DLC1: variants seen among roughly 807,000 people sequenced by gnomAD.
The protein encoded by DLC1 is DLC1 Rho GTPase activating protein.
A neutral mutation model predicts 140.3 loss-of-function variants in DLC1; 54 were observed. That is an observed-to-expected ratio of 0.38 (90% CI 0.31 to 0.48). The LOEUF is 0.48. Ranked by LOEUF, DLC1 falls within the 20% of genes least tolerant of loss-of-function variation. The pLI is 0.96. For missense variants in DLC1, 2,536 were observed against 1,907.0 expected (o/e 1.33, Z -6.14); for synonymous variants, 986 against 728.1 (o/e 1.35, Z -5.70).
chr8:13,393,413 A>G (rs1374137913), intron 4 of DLC1, 140 bp downstream of exon 4: 1 of 968,852 alleles, frequency 1.0e-6, no homozygotes, highest in Non-Finnish European at 1.4e-6. Flanking sequence ...GGTTGTACTT[A>G]ATTAAATAAA....
At chr8:13,313,160 G>A (rs1361646885) in intron 4 of DLC1, among the ~76,000 whole-genome samples, 2 of 152,120 alleles carry the variant, frequency 1.3e-5, no homozygotes, top group Non-Finnish European at 2.9e-5. Flanking sequence ...ATGCTTTAGT[G>A]ATTCTCTTTC....
chr8:13,542,877 G>A (rs968697999), intron 1 of DLC1, among the ~76,000 whole-genome samples: 3 of 151,978 alleles, frequency 2.0e-5, no homozygotes, highest in African/African-American at 4.8e-5. Flanking sequence ...GATTCCCTAT[G>A]AGTTTTTTAC....
chr8:13,549,247 G>A (rs759498468), intron 1 of DLC1, among the ~76,000 whole-genome samples: 7 of 151,982 alleles, frequency 4.6e-5, no homozygotes, highest in African/African-American at 9.7e-5. Context: ...GAGGTGATAC[G>A]TCCATGAGTA....
chr8:13,103,106 C>T (rs559683222), intron 7 of DLC1, among the ~76,000 whole-genome samples: 140 of 151,542 alleles, frequency 9.2e-4, no homozygotes, highest in African/African-American at 2.9e-3. Context: ...GTCAGGAGAG[C>T]GAGACCATCC....
Position 13,099,425 on chromosome 8 carries a change from A to T in DLC1, c.2912T>A (p.Leu971Gln). The T allele has an allele frequency of 6.2e-7, 1 of 1,614,100 alleles. No individual in the cohort carries two copies. Among genetic ancestry groups the T allele is most frequent in the Non-Finnish European group, 8.5e-7 (1 of 1,180,006 alleles). ...CTCGGAGGGCTCTTCCGGTTCATTC[A>T]GGGAGTTGCCTGTGCTGTCCAGGTC... The part of the protein sequence containing the change: ...PSDLDSTGNS[L>Q]NEPEEPSEIP... The change falls in exon 9 of 18, where the codon CTG becomes CAG. Residue 971 changes from leucine to glutamine, a missense_variant. Coordinates refer to ENST00000276297, the MANE Select transcript of DLC1 (RefSeq NM_182643.3).
intron 4 of DLC1, among the ~76,000 whole-genome samples, chr8:13,316,363 C>T (rs945395063): frequency 6.6e-6 from 1 of 152,034 alleles, no homozygotes; most frequent in Non-Finnish European, 1.5e-5. Flanking sequence ...TTATACAATA[C>T]AATTGTATTG....
intron 5 of DLC1, among the ~76,000 whole-genome samples, chr8:13,212,547 G>C (rs1250511595): frequency 6.6e-6 from 1 of 151,988 alleles, no homozygotes; most frequent in Non-Finnish European, 1.5e-5. Context: ...ATTGCTCTGG[G>C]CACTCATTAT....
At chr8:13,588,259 A>T (rs2117465511) in intron 1 of DLC1, among the ~76,000 whole-genome samples, 1 of 152,258 alleles carries the variant, frequency 6.6e-6, no homozygotes, top group Admixed American at 6.5e-5. Flanking sequence ...ATTAGAAGAG[A>T]GAAAATGGTA....
upstream of DLC1, among the ~76,000 whole-genome samples, chr8:13,517,112 C>G (rs1391530757): frequency 6.6e-6 from 1 of 152,090 alleles, no homozygotes; most frequent in Non-Finnish European, 1.5e-5. Context: ...ATGTTTATTT[C>G]CCTAAGAAAA....
At chr8:13,411,704 T>C (rs549546405) in intron 2 of DLC1, among the ~76,000 whole-genome samples, 6 of 152,234 alleles carry the variant, frequency 3.9e-5, no homozygotes, top group Admixed American at 3.9e-4. Context: ...AAAAAGTCCA[T>C]TAAAAATATG....
intron 5 of DLC1, among the ~76,000 whole-genome samples, chr8:13,171,596 C>T (rs568254115): frequency 2.6e-5 from 4 of 152,194 alleles, no homozygotes; most frequent in African/African-American, 9.6e-5. Context: ...AAGGGTTGTC[C>T]AGGCTGGTCT....
intron 2 of DLC1, among the ~76,000 whole-genome samples, chr8:13,498,358 A>G (rs1463565408): frequency 6.6e-6 from 1 of 152,238 alleles, no homozygotes; most frequent in East Asian, 1.9e-4. Flanking sequence ...CTCACTTGAA[A>G]GCTTCGCAGG....
At chr8:13,224,663 T>G (rs1290553405) in intron 5 of DLC1, among the ~76,000 whole-genome samples, 2 of 152,162 alleles carry the variant, frequency 1.3e-5, no homozygotes, top group African/African-American at 4.8e-5. Context: ...GGCCACTTCC[T>G]TCCTTGAGGA....
intron 3 of DLC1, 34 bp from the exon 4 acceptor site, chr8:13,393,727 A>C: frequency 6.3e-7 from 1 of 1,591,542 alleles, no homozygotes. Flanking sequence ...TATGAAGGAC[A>C]TGTGAATGTT....
intron 5 of DLC1, among the ~76,000 whole-genome samples, chr8:13,183,586 T>C (rs1011752350): frequency 6.6e-6 from 1 of 152,120 alleles, no homozygotes; most frequent in Non-Finnish European, 1.5e-5. Flanking sequence ...TGTGGTTTTT[T>C]TCATTGGTTC....
intron 5 of DLC1, among the ~76,000 whole-genome samples, chr8:13,158,404 G>A (rs17514): frequency 0.053 from 8,031 of 152,190 alleles, 312 homozygotes; most frequent in Non-Finnish European, 0.084. Flanking sequence ...TTGTGTATTT[G>A]GGGAAAATTC....
intron 1 of DLC1, among the ~76,000 whole-genome samples, chr8:13,594,701 A>G (rs1226320462): frequency 6.6e-6 from 1 of 152,014 alleles, no homozygotes; most frequent in Non-Finnish European, 1.5e-5. Flanking sequence ...TTTATTAGAG[A>G]AGTAAAGAAA....
At chr8:13,365,491 G>C (rs1835437857) in intron 4 of DLC1, among the ~76,000 whole-genome samples, 1 of 152,106 alleles carries the variant, frequency 6.6e-6, no homozygotes, top group Non-Finnish European at 1.5e-5. Flanking sequence ...GATGTGACCA[G>C]AGTTCAAACA....
chr8:13,387,547 G>A (rs557264319), intron 4 of DLC1, among the ~76,000 whole-genome samples: 1 of 151,864 alleles, frequency 6.6e-6, no homozygotes, highest in East Asian at 1.9e-4. Context: ...AGTGACTTTA[G>A]TTTAATGATC....
Sources: allele counts gnomAD v4.1 joint callset (sites outside exome capture counted in the v4.1 genomes callset), GRCh38; gene constraint gnomAD v4.1.1; transcripts MANE v1.5; gene names NCBI Gene and HGNC (gene_info 2026-07-23, HGNC 2026-07-21).